Variants in SRRM4 observed in about 807,000 individuals in gnomAD.
SRRM4 encodes serine/arginine repetitive matrix 4, also known as serine/arginine repetitive matrix protein 4.
SRRM4 carries 33 observed loss-of-function variants against 68.9 expected under a neutral mutation model. The observed-to-expected ratio is 0.48, with a 90% CI of 0.36 to 0.64. The LOEUF (loss-of-function observed/expected upper bound fraction) is 0.64. SRRM4 is among the 30% of genes least tolerant of loss of function. The pLI is 0.00. For synonymous variants in SRRM4, 318 were observed against 318.8 expected, an observed-to-expected ratio of 1.00 and a Z score of 0.03; for missense variants, 817 against 827.1, an observed-to-expected ratio of 0.99 and a Z score of 0.15.
chr12:119,090,857 T>A (rs1461781102), intron 1 of SRRM4, among the ~76,000 whole-genome samples: 3 of 152,170 alleles, frequency 2.0e-5, no homozygotes, highest in African/African-American at 7.2e-5. Flanking sequence ...AATCTCAGTT[T>A]CTGTAACCCA....
chr12:119,110,770 T>A (rs1954137577), intron 2 of SRRM4, among the ~76,000 whole-genome samples: 1 of 152,184 alleles, frequency 6.6e-6, no homozygotes, highest in Admixed American at 6.5e-5. Flanking sequence ...CCCCTTGCAC[T>A]TCCCAGGTGA....
chr12:119,038,500 C>G (rs1251337559), intron 1 of SRRM4, among the ~76,000 whole-genome samples: 1 of 152,138 alleles, frequency 6.6e-6, no homozygotes, highest in Non-Finnish European at 1.5e-5. Context: ...CGTGAGCCAC[C>G]GCACCCGGCC....
chr12:119,020,736 G>T lies in SRRM4; in HGVS notation c.131+38723G>T, dbSNP rs561507751. ...CTCAAAATAGATGAGATTTCTTTCC[G>T]TGGTAATTACAAGAGGGGCTGGCGA... is the stretch of plus-strand genomic sequence containing the variant. On this transcript the variant is annotated intron_variant, in intron 1 of 12. Transcript: ENST00000267260. Among the ~76,000 whole-genome samples, 7 of 152,338 alleles carry T rather than the reference G, an allele frequency of 4.6e-5. No individual in the cohort carries two copies. The South Asian group carries it at 1.0e-3, about 23-fold the overall frequency.
chr12:119,020,273 G>C (rs1036781575), intron 1 of SRRM4, among the ~76,000 whole-genome samples: 1 of 152,102 alleles, frequency 6.6e-6, no homozygotes, highest in Admixed American at 6.5e-5. Flanking sequence ...AGGTTGCAAA[G>C]TGTGTTATTT....
intron 1 of SRRM4, among the ~76,000 whole-genome samples, chr12:119,059,513 T>C (rs1166174917): frequency 6.6e-6 from 1 of 152,032 alleles, no homozygotes; most frequent in East Asian, 1.9e-4. Context: ...AGAGGAGCAG[T>C]GCATGTGTCC....
rs568583731 is a variant in SRRM4 at position 119,024,307 on chromosome 12, G to A, written c.131+42294G>A. ...TCCAAGTTTTTCCCGAGTCCAGCCT[G>A]TCCTCACCCAAGCTCACTGCTACCT... On this transcript the variant is annotated intron_variant, in intron 1 of 12. Transcript: ENST00000267260. Among the ~76,000 whole-genome samples the A allele has an allele frequency of 1.6e-4, 25 of 152,300 alleles. No homozygotes were observed. In the South Asian group the frequency reaches 5.2e-3, roughly 32 times the overall value.
chr12:119,011,783 A>G (rs1418739913), intron 1 of SRRM4, among the ~76,000 whole-genome samples: 1 of 152,170 alleles, frequency 6.6e-6, no homozygotes, highest in East Asian at 1.9e-4. Context: ...TAGGGAGACC[A>G]GTGCCATTGC....
At chr12:119,089,436 T>C (rs1001286754) in intron 1 of SRRM4, among the ~76,000 whole-genome samples, 1 of 152,172 alleles carries the variant, frequency 6.6e-6, no homozygotes, top group African/African-American at 2.4e-5. Flanking sequence ...GAGGAGGCAT[T>C]TCCTACAGGT....
At chr12:119,033,077 T>A (rs979213022) in intron 1 of SRRM4, among the ~76,000 whole-genome samples, 2 of 152,184 alleles carry the variant, frequency 1.3e-5, no homozygotes, top group African/African-American at 4.8e-5. Flanking sequence ...TATGTATATA[T>A]CCATCCCATT....
intron 2 of SRRM4, among the ~76,000 whole-genome samples, chr12:119,106,667 G>A (rs534177745): frequency 7.5e-5 from 11 of 145,920 alleles, no homozygotes; most frequent in Non-Finnish European, 1.4e-4. Flanking sequence ...TTTGTATCCC[G>A]AGACTTTGCT....
chr12:119,148,341 A>G (rs1435073890), intron 9 of SRRM4, among the ~76,000 whole-genome samples: 1 of 152,152 alleles, frequency 6.6e-6, no homozygotes, highest in East Asian at 1.9e-4. Context: ...CCCAAGCTTG[A>G]CTGAGAACCT....
chr12:119,058,186 G>T (rs1366892534), intron 1 of SRRM4, among the ~76,000 whole-genome samples: 3 of 152,034 alleles, frequency 2.0e-5, no homozygotes, highest in African/African-American at 7.3e-5. Context: ...TTCTATATCT[G>T]CTAGGTATTA....
intron 2 of SRRM4, among the ~76,000 whole-genome samples, chr12:119,105,709 T>A (rs1284022225): frequency 2.6e-5 from 4 of 152,248 alleles, no homozygotes; most frequent in Non-Finnish European, 5.9e-5. Context: ...TCTTTGTAGA[T>A]TCTGGATATT....
At chr12:119,127,225 T>TA (rs1236135946) in intron 7 of SRRM4, among the ~76,000 whole-genome samples, 4 of 151,678 alleles carry the variant, frequency 2.6e-5, no homozygotes, top group Admixed American at 6.6e-5. Flanking sequence ...TAAATAAATT[T>TA]AAAAAAAAGA....
chr12:119,016,339 C>T (rs1162206994), intron 1 of SRRM4, among the ~76,000 whole-genome samples: 1 of 151,966 alleles, frequency 6.6e-6, no homozygotes, highest in African/African-American at 2.4e-5. Context: ...ACACAATCCC[C>T]CCAGCCCCAT....
In SRRM4 at chr12:119,154,687, G is replaced by A. The variant is rs1954461680; in HGVS notation, c.1532+304G>A. Among the ~76,000 whole-genome samples, 1 of 152,136 alleles carries A rather than the reference G, an allele frequency of 6.6e-6. No individual in the cohort carries two copies. Among genetic ancestry groups the A allele is most frequent in the Non-Finnish European group, 1.5e-5 (1 of 68,022 alleles). On this transcript the variant is annotated intron_variant, in intron 12 of 12. Transcript: ENST00000267260. This position sits in a 1 kb window ranked among gnomAD's most constrained non-coding sequence, Gnocchi z 4.7. ...GCTGGGGCCGGGGAGGTGGAGCTGG[G>A]GCCGGGGAGGCGGAGCTGGGGGAGA... is the stretch of plus-strand genomic sequence containing the variant.
chr12:119,043,588 C>G (rs1953683584), intron 1 of SRRM4, among the ~76,000 whole-genome samples: 1 of 151,596 alleles, frequency 6.6e-6, no homozygotes, highest in Admixed American at 6.6e-5. Flanking sequence ...ATGCATACAG[C>G]AAAAAGAAGT....
At chr12:119,141,804 C>G (rs898405070) in intron 8 of SRRM4, among the ~76,000 whole-genome samples, 2 of 152,222 alleles carry the variant, frequency 1.3e-5, no homozygotes, top group African/African-American at 4.8e-5. Flanking sequence ...TAAGCAACTA[C>G]TGTACTGAGG....
intron 1 of SRRM4, among the ~76,000 whole-genome samples, chr12:119,054,462 G>C (rs1451467011): frequency 6.6e-6 from 1 of 152,172 alleles, no homozygotes; most frequent in Non-Finnish European, 1.5e-5. Context: ...CTAGAAAGTG[G>C]AAAAGGCAGA....
Sources: gnomAD v4.1 joint callset for allele counts (sites outside exome capture counted in the v4.1 genomes callset) on GRCh38, gnomAD v4.1.1 for gene constraint, Gnocchi (gnomAD v3.1) non-coding constraint, MANE v1.5 for transcripts, NCBI Gene and HGNC (gene_info 2026-07-23, HGNC 2026-07-21) for gene names.